CABIN1: variants seen among roughly 807,000 people sequenced by gnomAD.
CABIN1 encodes calcineurin-binding protein cabin-1.
A neutral mutation model predicts 227.7 loss-of-function variants in CABIN1; 133 were observed. The ratio of observed to expected loss-of-function variants is 0.58; its 90% CI spans 0.51 to 0.67. The LOEUF is 0.67. Ranked by LOEUF, CABIN1 falls within the 30% of genes least tolerant of loss-of-function variation. CABIN1 has a pLI of 0.00. For synonymous variants in CABIN1, 1,086 were observed against 1,155.1 expected (o/e 0.94, Z 1.21); for missense variants, 2,408 against 2,852.5 (o/e 0.84, Z 3.55).
chr22:24,041,119 C>CT lies in CABIN1; in HGVS notation c.211-19dup. On this transcript the variant is annotated intron_variant, in intron 4 of 36. Coordinates refer to ENST00000263119, the MANE Select transcript of CABIN1 (RefSeq NM_012295.4). The stretch of plus-strand genomic sequence containing the variant: ...AGGCTTCAAGGTCTAGTTGTCACTT[C>CT]TGTTCTGTTTTGTTCACAGGCAGTT... 1 of 1,614,134 alleles carries CT rather than the reference C, an allele frequency of 6.2e-7. No individual in the cohort carries two copies. Among genetic ancestry groups the CT allele is most frequent in the Middle Eastern group, 1.6e-4 (1 of 6,062 alleles).
intron 11 of CABIN1, among the ~76,000 whole-genome samples, 187 bp downstream of exon 11, chr22:24,059,550 A>G (rs1029067424): frequency 6.6e-6 from 1 of 152,246 alleles, no homozygotes; most frequent in South Asian, 2.1e-4. Flanking sequence ...GTCCAGGCTC[A>G]TACTTGCTAT....
intron 34 of CABIN1, chr22:24,175,812 A>T (rs2047071389): frequency 3.9e-6 from 2 of 516,048 alleles, no homozygotes; most frequent in African/African-American, 1.9e-5. Flanking sequence ...ATGGGATCTT[A>T]AGAGAGGCTG....
At chr22:24,167,551 C>T (rs553095532) in intron 32 of CABIN1, among the ~76,000 whole-genome samples, 3 of 152,300 alleles carry the variant, frequency 2.0e-5, no homozygotes, top group East Asian at 1.9e-4. Context: ...GAGTCTGGAC[C>T]GCTGCTCCCA....
intron 29 of CABIN1, chr22:24,156,609 G>C (rs1412605826): frequency 6.6e-6 from 1 of 152,516 alleles, no homozygotes; most frequent in Non-Finnish European, 1.5e-5. Context: ...TGGGCAGCGC[G>C]TCCGGGCGCG....
At chr22:24,037,816 G>A (rs1291595516) in intron 3 of CABIN1, among the ~76,000 whole-genome samples, 3 of 152,130 alleles carry the variant, frequency 2.0e-5, no homozygotes, top group Non-Finnish European at 2.9e-5. Context: ...AGTTGCAAGC[G>A]TTGAGTGCCA....
intron 29 of CABIN1, among the ~76,000 whole-genome samples, chr22:24,134,803 C>T (rs1013818241): frequency 6.6e-5 from 10 of 152,244 alleles, no homozygotes; most frequent in African/African-American, 2.4e-4. Flanking sequence ...GTGGGCCGGG[C>T]GCGGTGGCTC....
chr22:24,094,925 A>G (rs981920025), intron 24 of CABIN1, among the ~76,000 whole-genome samples: 11 of 152,212 alleles, frequency 7.2e-5, no homozygotes, highest in Non-Finnish European at 1.5e-4. Context: ...CCTTCATTCA[A>G]GAATCTTTAC....
At chr22:24,031,069 T>C (rs1238039556) in intron 1 of CABIN1, among the ~76,000 whole-genome samples, 1 of 152,188 alleles carries the variant, frequency 6.6e-6, no homozygotes, top group East Asian at 1.9e-4. Context: ...CTCCCACCCA[T>C]GCACATGGAC....
chr22:24,155,914 C>T, intron 29 of CABIN1: 2 of 496,714 alleles, frequency 4.0e-6, no homozygotes, highest in East Asian at 3.7e-5. Flanking sequence ...CGGCAAAAGT[C>T]AGTTGCGCTC....
In CABIN1 at chr22:24,076,276, C is replaced by T. The variant is rs750920866; in HGVS notation, c.2740C>T (p.Arg914Ter). 14 of 1,613,258 alleles carry T rather than the reference C, an allele frequency of 8.7e-6. No individual in the cohort carries two copies. Among genetic ancestry groups the T allele is most frequent in the African/African-American group, 1.3e-5 (1 of 74,888 alleles). The change falls in exon 19 of 37, where the codon CGA becomes TGA. Residue 914 changes from arginine to a stop codon, truncating the protein, a stop_gained. Coordinates refer to ENST00000263119, the MANE Select transcript of CABIN1 (RefSeq NM_012295.4). LOFTEE classifies it high-confidence loss of function. Reference sequence around the variant, plus strand: ...CTGCAATTCAGATGGGGCTCTGCTGCGATTCTATGTAAGTGCTTCCCCTTG... The same window carrying T: ...CTGCAATTCAGATGGGGCTCTGCTGTGATTCTATGTAAGTGCTTCCCCTTG... ...WCCNSDGALL[R>*]FYVRVLQKEL...
At chr22:24,040,823 A>G (rs564429193) in intron 4 of CABIN1, among the ~76,000 whole-genome samples, 6 of 152,270 alleles carry the variant, frequency 3.9e-5, no homozygotes, top group East Asian at 1.9e-4. Flanking sequence ...GACTGGGTCT[A>G]CCTATGCTGT....
In CABIN1 at chr22:24,119,504, G is replaced by A; in HGVS notation, c.4438G>A (p.Gly1480Arg). 5.6e-6 allele frequency: 9 copies of A among 1,614,058 alleles called. No homozygotes were observed. Among genetic ancestry groups the A allele is most frequent in the Non-Finnish European group, 7.6e-6 (9 of 1,180,038 alleles). ...AGCATCCACACCCACCCTGTGGGAT[G>A]GGAAGAAGAGAGGGGACCTCCCAGG... ...PSASTPTLWD[G>R]KKRGDLPGEP... The change falls in exon 28 of 37, where the codon GGG (glycine) becomes AGG (arginine). Residue 1480 changes from glycine to arginine, a missense_variant. Transcript: ENST00000263119.
At chr22:24,077,471 G>T (rs17004830) in intron 19 of CABIN1, among the ~76,000 whole-genome samples, 9,640 of 152,236 alleles carry the variant, frequency 0.063, 323 homozygotes, top group East Asian at 0.15. Context: ...TTGTCCAGGA[G>T]ACCCATCTGG....
intron 25 of CABIN1, 97 bp from the exon 26 acceptor site, chr22:24,097,917 A>G: frequency 2.0e-6 from 3 of 1,479,978 alleles, no homozygotes; most frequent in Non-Finnish European, 2.8e-6. Context: ...GCATGGGAGC[A>G]GTGGGCCCTG....
chr22:24,132,880 G>A (rs978912428), intron 28 of CABIN1, among the ~76,000 whole-genome samples: 1 of 152,208 alleles, frequency 6.6e-6, no homozygotes, highest in Admixed American at 6.5e-5. Context: ...GAGCCACCGC[G>A]CCCAGCTGCT....
At chr22:24,026,658 G>A (rs2036111805) in intron 1 of CABIN1, among the ~76,000 whole-genome samples, 1 of 152,116 alleles carries the variant, frequency 6.6e-6, no homozygotes, top group African/African-American at 2.4e-5. Context: ...TTTCTCCATT[G>A]AATTGCCTTT....
At chr22:24,132,091 T>C (rs735863) in intron 28 of CABIN1, among the ~76,000 whole-genome samples, 142,823 of 151,780 alleles carry the variant, frequency 0.94, 67,361 homozygotes, top group African/African-American at 0.99. Flanking sequence ...TACAGTGTCC[T>C]ACATCACCTT....
At chr22:24,065,840 G>A (rs903897110) in intron 15 of CABIN1, among the ~76,000 whole-genome samples, 5 of 152,228 alleles carry the variant, frequency 3.3e-5, no homozygotes, top group South Asian at 2.1e-4. Context: ...CGTCTCCACC[G>A]AAAAAATATG....
At chr22:24,059,814 G>A (rs2039060113) in intron 11 of CABIN1, 110 bp from the exon 12 acceptor site, 1 of 946,996 alleles carries the variant, frequency 1.1e-6, no homozygotes, top group African/African-American at 1.6e-5. Flanking sequence ...TGTCCACCTG[G>A]ATCAGATGGT....
Sources: gnomAD v4.1 joint callset for allele counts (sites outside exome capture counted in the v4.1 genomes callset) on GRCh38, gnomAD v4.1.1 for gene constraint, MANE v1.5 for transcripts, NCBI Gene and HGNC (gene_info 2026-07-23, HGNC 2026-07-21) for gene names.